The following WDR72 variants were observed in gnomAD, a reference collection of about 807,000 sequenced individuals.
The protein encoded by WDR72 is WD repeat-containing protein 72.
WDR72 carries 120 observed loss-of-function variants against 124.2 expected under a neutral mutation model. The ratio of observed to expected loss-of-function variants is 0.97; its 90% CI spans 0.83 to 1.12. The LOEUF is 1.12. WDR72 is among the 50% of genes most tolerant of loss of function. WDR72 has a pLI of 0.00. For missense variants in WDR72, 1,387 were observed against 1,278.8 expected (o/e 1.08, Z -1.29); for synonymous variants, 452 against 441.7 (o/e 1.02, Z -0.29).
chr15:53,706,019 TA>T lies in WDR72; in HGVS notation c.1009del (p.Tyr337ThrfsTer35). 1 of 1,614,066 alleles carries T rather than the reference TA, an allele frequency of 6.2e-7. No homozygotes were observed. Among genetic ancestry groups the T allele is most frequent in the Non-Finnish European group, 8.5e-7 (1 of 1,179,996 alleles). On this transcript the variant is annotated frameshift_variant, in exon 10 of 20. Coordinates refer to ENST00000360509, the MANE Select transcript of WDR72 (RefSeq NM_182758.4). LOFTEE classifies it high-confidence loss of function. ...GACTTCTCCAGAGAAAAGTACCTTG[TA>T]AAAAGGCTCTTTCCTTTCATTCATG... Reference protein sequence around the residue: ...GYMNERKEPFYKVLFSGEVSG... With the variant: ...GYMNERKEPFXKVLFSGEVSG...
intron 3 of WDR72, among the ~76,000 whole-genome samples, chr15:53,717,517 T>C (rs1158964864): frequency 6.6e-6 from 1 of 152,176 alleles, no homozygotes; most frequent in Non-Finnish European, 1.5e-5. Context: ...GCTTTTTTGT[T>C]TTTCTAACCA....
intron 13 of WDR72, among the ~76,000 whole-genome samples, chr15:53,680,350 GA>G (rs1290949534): frequency 6.6e-6 from 1 of 152,174 alleles, no homozygotes; most frequent in Non-Finnish European, 1.5e-5. Context: ...ATGTTTAAAA[GA>G]AGCACAAGTT....
chr15:53,616,961 G>A (rs932838085), intron 14 of WDR72, among the ~76,000 whole-genome samples: 3 of 151,736 alleles, frequency 2.0e-5, no homozygotes, highest in African/African-American at 7.3e-5. Flanking sequence ...TCCTCCACTA[G>A]CATTCAAGCC....
At chr15:53,548,320 C>T (rs1893577280) in intron 18 of WDR72, among the ~76,000 whole-genome samples, 1 of 152,188 alleles carries the variant, frequency 6.6e-6, no homozygotes, top group African/African-American at 2.4e-5. Context: ...GCCAGTGCCA[C>T]CATGCTCCTA....
intron 2 of WDR72, among the ~76,000 whole-genome samples, chr15:53,725,877 C>A (rs961142770): frequency 8.6e-5 from 13 of 151,836 alleles, no homozygotes; most frequent in East Asian, 3.9e-4. Flanking sequence ...ATGGATACAC[C>A]AACCTGGCTA....
At chr15:53,656,196 G>T (rs1055560725) in intron 14 of WDR72, among the ~76,000 whole-genome samples, 1 of 152,094 alleles carries the variant, frequency 6.6e-6, no homozygotes, top group Non-Finnish European at 1.5e-5. Flanking sequence ...GATTATGCAG[G>T]ATATTTTAAT....
chr15:53,524,486 C>T (rs563716), intron 18 of WDR72, among the ~76,000 whole-genome samples: 36,704 of 152,040 alleles, frequency 0.24, 5,113 homozygotes, highest in African/African-American at 0.36. Flanking sequence ...CGTGACACAA[C>T]GGTGTCCCAC....
chr15:53,572,387 G>C (rs1323973249), intron 18 of WDR72, among the ~76,000 whole-genome samples: 2 of 150,024 alleles, frequency 1.3e-5, no homozygotes, highest in Non-Finnish European at 3.0e-5. Context: ...AATTTGAGTT[G>C]ATTTTTTGTA....
Position 53,516,572 on chromosome 15 carries a change from C to T in WDR72, c.*1127G>A, listed in dbSNP as rs902499239. 1 of 151,962 alleles carries T rather than the reference C, an allele frequency of 6.6e-6. No homozygotes were observed. The highest frequency in any genetic ancestry group is 2.4e-5 in the African/African-American group (1 of 41,406). The allele number at this position is 151,962 out of a possible 1,614,324, so 9.4% of individuals were successfully genotyped here. A position where few individuals can be genotyped will look rare whatever the true frequency, so the allele number is the denominator to read the frequency against. On this transcript the variant is annotated 3_prime_UTR_variant, in exon 20 of 20. Coordinates refer to ENST00000360509, the MANE Select transcript of WDR72 (RefSeq NM_182758.4). ...CTTTTCTAATTTCCCCCTCTCCTGT[C>T]CACTGCATCCCACCATAGGACCTGA...
intron 14 of WDR72, among the ~76,000 whole-genome samples, chr15:53,619,702 T>C (rs1262888543): frequency 6.6e-6 from 1 of 152,028 alleles, no homozygotes; most frequent in Non-Finnish European, 1.5e-5. Flanking sequence ...ACCTTTATAG[T>C]GGTTTAAACT....
chr15:53,565,100 G>T (rs1284981516), intron 18 of WDR72, among the ~76,000 whole-genome samples: 1 of 151,834 alleles, frequency 6.6e-6, no homozygotes, highest in Admixed American at 6.6e-5. Flanking sequence ...GGGGAAAGGT[G>T]CTGGAGAAAT....
chr15:53,617,966 G>T (rs1277374706), intron 14 of WDR72, among the ~76,000 whole-genome samples: 1 of 151,878 alleles, frequency 6.6e-6, no homozygotes, highest in African/African-American at 2.4e-5. Flanking sequence ...GATCTATGTG[G>T]TGATTATGAA....
intron 1 of WDR72, among the ~76,000 whole-genome samples, chr15:53,749,946 G>A (rs1362766666): frequency 1.3e-5 from 2 of 152,184 alleles, no homozygotes; most frequent in African/African-American, 2.4e-5. Flanking sequence ...CTGAGTTCAT[G>A]AGATTGAAGG....
intron 2 of WDR72, among the ~76,000 whole-genome samples, chr15:53,728,769 G>A (rs2140597957): frequency 6.6e-6 from 1 of 152,276 alleles, no homozygotes; most frequent in South Asian, 2.1e-4. Flanking sequence ...ACGGGATTTG[G>A]AGAAGCTCCT....
At chr15:53,603,610 C>G (rs2013141717) in intron 17 of WDR72, among the ~76,000 whole-genome samples, 5 of 152,174 alleles carry the variant, frequency 3.3e-5, no homozygotes, top group African/African-American at 1.2e-4. Context: ...CCAAAAACTT[C>G]TTAAGCTGTT....
chr15:53,679,024 C>T (rs1445412145), intron 13 of WDR72, among the ~76,000 whole-genome samples: 1 of 152,174 alleles, frequency 6.6e-6, no homozygotes, highest in Admixed American at 6.5e-5. Context: ...AACTTGAAGT[C>T]CTCATGCTAA....
Position 53,516,514 on chromosome 15 carries a change from T to C in WDR72, c.*1185A>G, listed in dbSNP as rs1891468012. 1.3e-5 allele frequency: 2 copies of C among 152,012 alleles called. No homozygotes were observed. The highest frequency in any genetic ancestry group is 2.9e-5 in the Non-Finnish European group (2 of 67,952). The allele number at this position is 152,012 out of a possible 1,614,324, so 9.4% of individuals were successfully genotyped here. A position where few individuals can be genotyped will look rare whatever the true frequency, so the allele number is the denominator to read the frequency against. Reference sequence around the variant, plus strand: ...ATATAGCTATATATCATATATTTAATGCTTTATATCCCTTTTTCAATTATA... The same window carrying C: ...ATATAGCTATATATCATATATTTAACGCTTTATATCCCTTTTTCAATTATA... On this transcript the variant is annotated 3_prime_UTR_variant, in exon 20 of 20. Coordinates refer to ENST00000360509, the MANE Select transcript of WDR72 (RefSeq NM_182758.4).
chr15:53,604,294 C>T (rs2013177170), intron 17 of WDR72, among the ~76,000 whole-genome samples: 1 of 152,176 alleles, frequency 6.6e-6, no homozygotes, highest in South Asian at 2.1e-4. Flanking sequence ...AAGATTAAAA[C>T]TGGACCCCTT....
chr15:53,672,960 T>C (rs965922909), intron 13 of WDR72, among the ~76,000 whole-genome samples: 1 of 151,998 alleles, frequency 6.6e-6, no homozygotes, highest in East Asian at 1.9e-4. Context: ...CGAAACCCCA[T>C]TTCTACAAAA....
Sources: gnomAD v4.1 joint callset for allele counts (sites outside exome capture counted in the v4.1 genomes callset) on GRCh38, gnomAD v4.1.1 for gene constraint, MANE v1.5 for transcripts, NCBI Gene and HGNC (gene_info 2026-07-23, HGNC 2026-07-21) for gene names.